Variants in EXOC6B observed in about 807,000 individuals in gnomAD.
The protein encoded by EXOC6B is SEC15 homolog B.
Under a neutral mutation model 113.5 loss-of-function variants are expected in EXOC6B, and 54 were observed. That is an observed-to-expected ratio of 0.48 (90% confidence interval 0.38 to 0.60). The LOEUF is 0.60. EXOC6B is among the 20% of genes least tolerant of loss of function. The pLI is 0.00. For missense variants in EXOC6B, 797 were observed against 977.5 expected (o/e 0.82, Z 2.46); for synonymous variants, 357 against 339.0 (o/e 1.05, Z -0.58).
At chr2:72,499,564 A>G (rs536931026) in intron 12 of EXOC6B, among the ~76,000 whole-genome samples, 55 of 142,068 alleles carry the variant, frequency 3.9e-4, no homozygotes, top group African/African-American at 1.4e-3. Context: ...ATGGGTCTCT[A>G]TCACCCATGC....
intron 6 of EXOC6B, among the ~76,000 whole-genome samples, chr2:72,622,590 G>A (rs6749495): frequency 0.22 from 33,036 of 151,924 alleles, 5,874 homozygotes; most frequent in African/African-American, 0.49. Flanking sequence ...TATGCCTGTG[G>A]TCCCAGCTAG....
Position 72,491,288 on chromosome 2 carries a change from A to AT in EXOC6B, c.1665+1029dup, listed in dbSNP as rs562621193. On this transcript the variant is annotated intron_variant, in intron 16 of 21. Transcript: ENST00000272427. ...TCAATCACTTCCAATGTCCCATCTT[A>AT]TTTTTTTTTTATCTTAATTCAGAGA... Among the ~76,000 whole-genome samples, 646 of 149,826 alleles carry AT rather than the reference A, an allele frequency of 4.3e-3. 1 individual carries two copies. The highest frequency in any genetic ancestry group is 6.7e-3 in the Non-Finnish European group (450 of 67,148).
chr2:72,743,271 C>T (rs1051710084), intron 1 of EXOC6B, among the ~76,000 whole-genome samples: 2 of 152,118 alleles, frequency 1.3e-5, no homozygotes, highest in Non-Finnish European at 2.9e-5. Context: ...TCTACTCCAC[C>T]CCCTGCCCCA....
At chr2:72,265,763 A>C (rs1246662702) in intron 20 of EXOC6B, among the ~76,000 whole-genome samples, 3 of 152,132 alleles carry the variant, frequency 2.0e-5, no homozygotes, top group African/African-American at 7.2e-5. Flanking sequence ...CTTTGGGTAT[A>C]TACCCAGTAA....
At chr2:72,403,608 G>A (rs1461888013) in intron 18 of EXOC6B, among the ~76,000 whole-genome samples, 1 of 152,144 alleles carries the variant, frequency 6.6e-6, no homozygotes, top group Non-Finnish European at 1.5e-5. Flanking sequence ...GTGGGAGGAT[G>A]GCTTGAGACC....
At chr2:72,588,948 A>C (rs746146512) in intron 6 of EXOC6B, among the ~76,000 whole-genome samples, 5 of 152,016 alleles carry the variant, frequency 3.3e-5, no homozygotes, top group African/African-American at 4.8e-5. Context: ...ATACGCACTC[A>C]CACCAACATG....
At chr2:72,523,093 G>A (rs1214717582) in intron 8 of EXOC6B, among the ~76,000 whole-genome samples, 1 of 152,120 alleles carries the variant, frequency 6.6e-6, no homozygotes, top group Non-Finnish European at 1.5e-5. Context: ...CTCAATATGG[G>A]CAAATGAATG....
chr2:72,285,399 C>T (rs993914093), intron 20 of EXOC6B, among the ~76,000 whole-genome samples: 3 of 151,878 alleles, frequency 2.0e-5, no homozygotes, highest in African/African-American at 7.3e-5. Context: ...ATGTTCTTTT[C>T]GACAAATGTG....
At chr2:72,717,836 C>T (rs1679724535) in intron 6 of EXOC6B, among the ~76,000 whole-genome samples, 1 of 152,118 alleles carries the variant, frequency 6.6e-6, no homozygotes, top group African/African-American at 2.4e-5. Context: ...GGGAAGTATA[C>T]AAACAGTAGA....
chr2:72,357,383 T>C (rs988103139), intron 19 of EXOC6B, among the ~76,000 whole-genome samples: 2 of 152,142 alleles, frequency 1.3e-5, no homozygotes, highest in African/African-American at 4.8e-5. Context: ...TATATGATGG[T>C]GGTCCCATAA....
chr2:72,299,671 G>C (rs935988476), intron 20 of EXOC6B, among the ~76,000 whole-genome samples: 6 of 152,034 alleles, frequency 3.9e-5, no homozygotes, highest in African/African-American at 1.4e-4. Context: ...CATCTTTGTG[G>C]GATTATCTGA....
intron 6 of EXOC6B, among the ~76,000 whole-genome samples, chr2:72,638,866 T>C (rs1015562853): frequency 6.6e-6 from 1 of 152,092 alleles, no homozygotes; most frequent in Non-Finnish European, 1.5e-5. Flanking sequence ...CTCTGCAGGG[T>C]TGTCTTGCCC....
chr2:72,785,440 A>G (rs1684318021), intron 1 of EXOC6B, among the ~76,000 whole-genome samples: 2 of 152,222 alleles, frequency 1.3e-5, no homozygotes, highest in African/African-American at 4.8e-5. Context: ...TTTCTTGATG[A>G]GGGACCTGCC....
chr2:72,311,147 C>T (rs572251849), intron 20 of EXOC6B, among the ~76,000 whole-genome samples: 1 of 152,292 alleles, frequency 6.6e-6, no homozygotes, highest in African/African-American at 2.4e-5. Context: ...AATAGTACTA[C>T]AAAGTTAGTG....
rs181554481 is a variant in EXOC6B at position 72,663,589 on chromosome 2, C to T, written c.669+54514G>A. Among the ~76,000 whole-genome samples the T allele has an allele frequency of 7.2e-4, 109 of 152,132 alleles. 1 individual carries two copies. Among genetic ancestry groups the T allele is most frequent in the African/African-American group, 2.4e-3 (100 of 41,500 alleles). The stretch of plus-strand genomic sequence containing the variant: ...CACAACTTGTAGGATGCAGTAAAAC[C>T]TGTGCTTACAAAGAAATTTAAAGCT... On this transcript the variant is annotated intron_variant, in intron 6 of 21. Transcript: ENST00000272427.
chr2:72,660,766 A>G lies in EXOC6B; in HGVS notation c.669+57337T>C, dbSNP rs374494993. The stretch of plus-strand genomic sequence containing the variant: ...TGAAAAAGTAAATCATAGTAGGTAG[A>G]TTGAGGAAGAAGACCAGAAGTTGAA... On this transcript the variant is annotated intron_variant, in intron 6 of 21. Coordinates refer to ENST00000272427, the MANE Select transcript of EXOC6B (RefSeq NM_015189.3). Among the ~76,000 whole-genome samples the G allele has an allele frequency of 1.5e-4, 23 of 152,178 alleles. 2 individuals carry two copies. Among genetic ancestry groups the G allele is most frequent in the African/African-American group, 4.6e-4 (19 of 41,536 alleles).
chr2:72,786,650 C>A (rs926936736), intron 1 of EXOC6B, among the ~76,000 whole-genome samples: 9 of 152,098 alleles, frequency 5.9e-5, no homozygotes, highest in African/African-American at 2.2e-4. Flanking sequence ...CAAAAAAGAA[C>A]CAGCAAAGAT....
At chr2:72,193,276 A>C (rs1023446168) in intron 20 of EXOC6B, among the ~76,000 whole-genome samples, 4 of 152,142 alleles carry the variant, frequency 2.6e-5, no homozygotes, top group Non-Finnish European at 5.9e-5. Flanking sequence ...TAAGAGAACA[A>C]TTGTAAAGTC....
intron 7 of EXOC6B, among the ~76,000 whole-genome samples, chr2:72,560,452 G>A (rs1356517074): frequency 6.6e-6 from 1 of 152,090 alleles, no homozygotes; most frequent in African/African-American, 2.4e-5. Flanking sequence ...AATATAAGCA[G>A]TAGGCACATC....
Sources: gnomAD v4.1 joint callset for allele counts (sites outside exome capture counted in the v4.1 genomes callset) on GRCh38, gnomAD v4.1.1 for gene constraint, MANE v1.5 for transcripts, NCBI Gene and HGNC (gene_info 2026-07-23, HGNC 2026-07-21) for gene names.